PHRF1: variants seen among roughly 807,000 people sequenced by gnomAD.
PHRF1 encodes PHD and RING finger domain-containing protein 1.
In PHRF1, 53 loss-of-function variants were observed where a neutral mutation model predicts 128.9. That is an observed-to-expected ratio of 0.41 (90% CI 0.33 to 0.52). PHRF1 has a LOEUF of 0.52. Among genes scored for constraint, PHRF1 ranks in the 20% least tolerant of loss-of-function variants. PHRF1 has a pLI of 0.21. For synonymous variants in PHRF1, 1,178 were observed against 980.6 expected (o/e 1.20, Z -3.76); for missense variants, 2,503 against 2,284.5 (o/e 1.10, Z -1.95).
chr11:582,180 G>C (rs1854246488), intron 3 of PHRF1, 99 bp downstream of exon 3: 6 of 1,526,700 alleles, frequency 3.9e-6, no homozygotes, highest in African/African-American at 1.4e-5. Flanking sequence ...TGTCACCACA[G>C]CTGGCCATGT....
rs368081392 is a variant in PHRF1, at chr11:584,099, A to G, written c.214+2018A>G. ...GGAATGGCACTCATGGCCTGAGCCA[A>G]TGTGTGTTGGCCGTGTCCTTCCAGA... On this transcript the variant is annotated intron_variant, in intron 3 of 17. Transcript: ENST00000264555. Among the ~76,000 whole-genome samples the G allele has an allele frequency of 5.8e-4, 89 of 152,308 alleles. 1 individual carries two copies. The South Asian group carries it at 0.017, about 30-fold the overall frequency.
chr11:598,431 C>G lies in PHRF1; in HGVS notation c.953C>G (p.Thr318Ser). The change falls in exon 9 of 18, where the codon ACT becomes AGT. Residue 318 changes from threonine to serine, a missense_variant. Thr to Ser is a moderately conservative substitution (Grantham distance 58). Coordinates refer to ENST00000264555, the MANE Select transcript of PHRF1 (RefSeq NM_001286581.2). ...LLDEAIEAVA[T>S]GLSTAVYQRP... ...GATGAAGCCATCGAGGCTGTGGCGA[C>G]TGGCCTGAGCACTGCCGTGTATCAG... 1.2e-6 allele frequency: 2 copies of G among 1,611,378 alleles called. No homozygotes were observed. Among genetic ancestry groups the G allele is most frequent in the East Asian group, 2.2e-5 (1 of 44,884 alleles).
chr11:608,737 G>A lies in PHRF1; in HGVS notation c.3281G>A (p.Gly1094Glu), dbSNP rs1414680489. 11 of 1,611,442 alleles carry A rather than the reference G, an allele frequency of 6.8e-6. No individual in the cohort carries two copies. Among genetic ancestry groups the A allele is most frequent in the Admixed American group, 1.7e-5 (1 of 59,822 alleles). The change falls in exon 14 of 18, where the codon GGG becomes GAG. Residue 1094 changes from glycine to glutamate, a missense_variant. By Grantham distance (98) the Gly-to-Glu change is moderately conservative (BLOSUM62 -2). Coordinates refer to ENST00000264555, the MANE Select transcript of PHRF1 (RefSeq NM_001286581.2). ...HSRRTSRSRS[G>E]SPGSSSYEHY... ...CGGAGGACGTCCCGGTCGCGGTCGG[G>A]GAGCCCTGGCAGCTCTTCCTATGAG...
rs755899261 is a variant in PHRF1, at chr11:605,165, G to A, written c.1199G>A (p.Arg400His). 1.4e-5 allele frequency: 22 copies of A among 1,613,416 alleles called. No homozygotes were observed. Among genetic ancestry groups the A allele is most frequent in the South Asian group, 4.4e-5 (4 of 91,090 alleles). ...CGAATCGCGCGGACGCTGGGCCTGCGCAGGCCTGTTCACAGCAGCTGCATC... is the reference window on the plus strand; with the variant it reads ...CGAATCGCGCGGACGCTGGGCCTGCACAGGCCTGTTCACAGCAGCTGCATC... ...RSRIARTLGL[R>H]RPVHSSCIPS... Residue 400 changes from arginine to histidine, a missense_variant, in exon 11 of 18, where the codon CGC (arginine) becomes CAC (histidine). Physicochemically the swap from Arg to His is conservative, Grantham distance 29 (BLOSUM62 0). Transcript: ENST00000264555.
Position 597,349 on chromosome 11 carries a change from G to T in PHRF1, c.719-46G>T, listed in dbSNP as rs114608427. On this transcript the variant is annotated intron_variant, in intron 7 of 17. Transcript: ENST00000264555. This position sits in a 1 kb window ranked among gnomAD's most constrained non-coding sequence, Gnocchi z 6.5. Reference sequence around the variant, plus strand: ...CACAGGGGGAGCCGTTGGGGGAGGCGTGTGGCCTGTGAGTGTGGCACATCA... The same window carrying T: ...CACAGGGGGAGCCGTTGGGGGAGGCTTGTGGCCTGTGAGTGTGGCACATCA... 1 of 1,582,516 alleles carries T rather than the reference G, an allele frequency of 6.3e-7. No homozygotes were observed. Among genetic ancestry groups the T allele is most frequent in the Non-Finnish European group, 8.6e-7 (1 of 1,162,464 alleles).
Position 608,762 on chromosome 11 carries a change from G to A in PHRF1, c.3306G>A (p.Glu1102=). Residue 1102 remains glutamate, a synonymous_variant, in exon 14 of 18, where the codon GAG becomes GAA. Transcript: ENST00000264555. ...RSGSPGSSSY[E]HYESRKKKKR... is the part of the protein sequence containing the mutation. ...GGAGCCCTGGCAGCTCTTCCTATGAGCACTATGAGAGTAGGAAGAAGAAGA... is the reference window on the plus strand; with the variant it reads ...GGAGCCCTGGCAGCTCTTCCTATGAACACTATGAGAGTAGGAAGAAGAAGA... 6.2e-7 allele frequency: 1 copy of A among 1,611,830 alleles called. No homozygotes were observed. Among genetic ancestry groups the A allele is most frequent in the Non-Finnish European group, 8.5e-7 (1 of 1,179,626 alleles).
intron 5 of PHRF1, among the ~76,000 whole-genome samples, 180 bp from the exon 6 acceptor site, chr11:592,379 C>G (rs764719686): frequency 2.6e-5 from 4 of 152,236 alleles, no homozygotes; most frequent in Admixed American, 6.5e-5. Context: ...GATCACCACC[C>G]TGAGATGGTA....
intron 1 of PHRF1, among the ~76,000 whole-genome samples, chr11:579,366 G>A (rs1445099481): frequency 6.6e-6 from 1 of 152,110 alleles, no homozygotes; most frequent in East Asian, 1.9e-4. Flanking sequence ...CCAGGGCAGG[G>A]ACTGCATTCG....
intron 12 of PHRF1, among the ~76,000 whole-genome samples, 155 bp from the exon 13 acceptor site, chr11:606,287 C>G (rs1453828286): frequency 1.3e-5 from 2 of 152,230 alleles, no homozygotes; most frequent in Non-Finnish European, 2.9e-5. Flanking sequence ...GTGAGCACCT[C>G]TTAGAACAGC....
At chr11:582,650 G>A (rs575479807) in intron 3 of PHRF1, among the ~76,000 whole-genome samples, 1 of 151,144 alleles carries the variant, frequency 6.6e-6, no homozygotes, top group South Asian at 2.1e-4. Flanking sequence ...TCAGCCTCCC[G>A]AGTAGCTGGG....
At chr11:580,813 C>T (rs182484268) in intron 1 of PHRF1, among the ~76,000 whole-genome samples, 8 of 152,142 alleles carry the variant, frequency 5.3e-5, no homozygotes, top group African/African-American at 1.4e-4. Flanking sequence ...CTCAGCTTCC[C>T]GAGTAGCTGG....
At chr11:596,407 C>G (rs955041421) in intron 6 of PHRF1, among the ~76,000 whole-genome samples, 1 of 152,086 alleles carries the variant, frequency 6.6e-6, no homozygotes, top group Non-Finnish European at 1.5e-5. Context: ...TTTGAAAACC[C>G]GGGAGTGAGG....
intron 3 of PHRF1, among the ~76,000 whole-genome samples, chr11:584,612 A>T (rs921705584): frequency 2.6e-5 from 4 of 151,686 alleles, no homozygotes; most frequent in Admixed American, 2.6e-4. Context: ...GTGAAGAGAC[A>T]GGTTTATGGA....
At position 587,148 on chromosome 11, in the gene PHRF1, G is replaced by T. The variant is rs1335932299; in HGVS notation, c.215-111G>T. 8 of 966,134 alleles carry T rather than the reference G, an allele frequency of 8.3e-6. No individual in the cohort carries two copies. The African/African-American group carries it at 1.3e-4, about 16-fold the overall frequency. The allele number at this position is 966,134 out of a possible 1,614,324, so 59.8% of individuals were successfully genotyped here. A position where few individuals can be genotyped will look rare whatever the true frequency, so the allele number is the denominator to read the frequency against. On this transcript the variant is annotated intron_variant, in intron 3 of 17. Transcript: ENST00000264555. ...GTGGCAGGAGCCTGCGGGGAGGTGG[G>T]CTGTGCATTGCCGACCTGGTGTCCT...
At chr11:577,180 C>T (rs76680773) in intron 1 of PHRF1, among the ~76,000 whole-genome samples, 2 of 152,214 alleles carry the variant, frequency 1.3e-5, no homozygotes, top group Non-Finnish European at 2.9e-5. Flanking sequence ...TCACAAGAGC[C>T]TCTCAGGTGT....
At position 605,607 on chromosome 11, in the gene PHRF1, G is replaced by A; in HGVS notation, c.1337G>A (p.Ser446Asn). The change falls in exon 12 of 18, where the codon AGT becomes AAT. Residue 446 changes from serine (S) to asparagine (N), a missense_variant and splice_region_variant. Transcript: ENST00000264555. ...DPYELDPFDS[S>N]EELSANPLSP... ...TTGGCCTGTGTCCTCCCCTCTAGCA[G>A]TGAAGAGCTTTCTGCAAACCCTCTT... 1.9e-6 allele frequency: 3 copies of A among 1,613,712 alleles called. No homozygotes were observed. The highest frequency in any genetic ancestry group is 2.2e-5 in the South Asian group (2 of 91,060).
intron 3 of PHRF1, among the ~76,000 whole-genome samples, chr11:585,014 A>G (rs181915117): frequency 6.6e-6 from 1 of 152,184 alleles, no homozygotes; most frequent in Non-Finnish European, 1.5e-5. Flanking sequence ...CTGGGATGAC[A>G]GGCATGAGCC....
Position 587,460 on chromosome 11 carries a change from C to G in PHRF1, c.416C>G (p.Ser139Cys). 6.2e-7 allele frequency: 1 copy of G among 1,612,978 alleles called. No individual in the cohort carries two copies. The highest frequency in any genetic ancestry group is 8.5e-7 in the Non-Finnish European group (1 of 1,179,836). ...YFCLDCIVEW[S>C]KNANSCPVDR... ...TGCCTGGACTGCATTGTCGAATGGT[C>G]CAAGGTGAGTTCACCTCTGGTTGGG... The change falls in exon 4 of 18, where the codon TCC becomes TGC. Residue 139 changes from serine to cysteine, a missense_variant. By Grantham distance (112) the Ser-to-Cys change is moderately radical (BLOSUM62 -1). Coordinates refer to ENST00000264555, the MANE Select transcript of PHRF1 (RefSeq NM_001286581.2).
Position 597,077 on chromosome 11 carries a change from C to T in PHRF1, c.718+57C>T, listed in dbSNP as rs1036738733. On this transcript the variant is annotated intron_variant, in intron 7 of 17. Coordinates refer to ENST00000264555, the MANE Select transcript of PHRF1 (RefSeq NM_001286581.2). This position sits in a 1 kb window ranked among gnomAD's most constrained non-coding sequence, Gnocchi z 6.5. ...ATGGGCCTTCTCACTGTCCACTCTGCGGTCCCCGGGGTTAGGTTTGGCTGC... is the reference window on the plus strand; with the variant it reads ...ATGGGCCTTCTCACTGTCCACTCTGTGGTCCCCGGGGTTAGGTTTGGCTGC... 2.8e-5 allele frequency: 44 copies of T among 1,543,932 alleles called. No homozygotes were observed. The Admixed American group carries it at 6.1e-4, about 22-fold the overall frequency.
Sources: gnomAD v4.1 joint callset for allele counts (sites outside exome capture counted in the v4.1 genomes callset) on GRCh38, gnomAD v4.1.1 for gene constraint, Gnocchi (gnomAD v3.1) non-coding constraint, MANE v1.5 for transcripts, NCBI Gene and HGNC (gene_info 2026-07-23, HGNC 2026-07-21) for gene names.